Variants in TTLL11 observed in about 807,000 individuals in gnomAD.
The protein encoded by TTLL11 is tubulin tyrosine ligase like 11, also known as tubulin polyglutamylase TTLL11.
Under a neutral mutation model 51.7 loss-of-function variants are expected in TTLL11, and 42 were observed. The ratio of observed to expected loss-of-function variants is 0.81; its 90% CI spans 0.64 to 1.05. TTLL11 has a LOEUF of 1.05. Ranked by LOEUF, TTLL11 falls within the 50% of genes least tolerant of loss-of-function variation. The probability of loss-of-function intolerance (pLI) is 0.00; values close to 1 mark genes in which losing one functional copy is unlikely to be tolerated. For synonymous variants in TTLL11, 381 were observed against 383.5 expected (o/e 0.99, Z 0.08); for missense variants, 799 against 940.4 (o/e 0.85, Z 1.97).
chr9:121,938,061 G>A lies in TTLL11; in HGVS notation c.1481+35948C>T, dbSNP rs1403851436. Among the ~76,000 whole-genome samples, 7 of 152,220 alleles carry A rather than the reference G, an allele frequency of 4.6e-5. 1 individual carries two copies. The highest frequency in any genetic ancestry group is 4.2e-4 in the South Asian group (2 of 4,818). The stretch of plus-strand genomic sequence containing the variant: ...TCCCAGCACTTTGGGAGACCAAGGC[G>A]GGTGGATCATGAGGTCAAGAGATCA... On this transcript the variant is annotated intron_variant, in intron 6 of 8. Coordinates refer to ENST00000321582, the MANE Select transcript of TTLL11 (RefSeq NM_001139442.2).
intron 6 of TTLL11, among the ~76,000 whole-genome samples, chr9:121,959,066 T>C (rs1842124544): frequency 6.6e-6 from 1 of 152,044 alleles, no homozygotes; most frequent in African/African-American, 2.4e-5. Context: ...ACAGAGGTAA[T>C]ATGCAAAGGG....
At position 122,002,807 on chromosome 9, in the gene TTLL11, G is replaced by A. The variant is rs146786178; in HGVS notation, c.694-13037C>T. 4.2e-3 allele frequency among the ~76,000 whole-genome samples: 646 copies of A among 152,014 alleles called. 5 individuals are homozygous for A. Among genetic ancestry groups the A allele is most frequent in the African/African-American group, 0.015 (622 of 41,440 alleles). On this transcript the variant is annotated intron_variant, in intron 3 of 8. Coordinates refer to ENST00000321582, the MANE Select transcript of TTLL11 (RefSeq NM_001139442.2). ...CTAAAACTACAAAAATTAGCTGGGC[G>A]TGGTGGCGCATGCCTATAGTCCCAG...
chr9:121,969,545 C>T (rs1842500130), intron 6 of TTLL11, among the ~76,000 whole-genome samples: 1 of 152,126 alleles, frequency 6.6e-6, no homozygotes, highest in Non-Finnish European at 1.5e-5. Flanking sequence ...TACTTTTTAT[C>T]TTTAGTCTGT....
intron 1 of TTLL11, among the ~76,000 whole-genome samples, chr9:122,048,171 A>ATTTTT (rs1377479477): frequency 6.6e-6 from 1 of 151,102 alleles, no homozygotes; most frequent in African/African-American, 2.5e-5. Flanking sequence ...TTTTATTTTT[A>ATTTTT]TTTTTATTTT....
At chr9:121,986,241 C>G (rs1842937208) in intron 4 of TTLL11, among the ~76,000 whole-genome samples, 1 of 152,222 alleles carries the variant, frequency 6.6e-6, no homozygotes, top group Non-Finnish European at 1.5e-5. Context: ...ATGGCTGCCC[C>G]ATGTGGCCTG....
intron 6 of TTLL11, among the ~76,000 whole-genome samples, chr9:121,945,689 C>T (rs969499810): frequency 6.6e-6 from 1 of 152,220 alleles, no homozygotes; most frequent in Non-Finnish European, 1.5e-5. Flanking sequence ...ACTCACTCTA[C>T]ATTTAATGAT....
At chr9:121,902,012 C>G (rs1415059207) in intron 6 of TTLL11, among the ~76,000 whole-genome samples, 1 of 151,998 alleles carries the variant, frequency 6.6e-6, no homozygotes, top group Admixed American at 6.5e-5. Flanking sequence ...GATATCTAAT[C>G]TGTAATATTG....
At chr9:121,939,955 T>C (rs1588141086) in intron 6 of TTLL11, among the ~76,000 whole-genome samples, 1 of 151,960 alleles carries the variant, frequency 6.6e-6, no homozygotes, top group Non-Finnish European at 1.5e-5. Flanking sequence ...GGAGGGCTGG[T>C]GAGGACGAGA....
intron 8 of TTLL11, among the ~76,000 whole-genome samples, chr9:121,838,649 G>A (rs148718457): frequency 0.017 from 2,574 of 152,266 alleles, 23 homozygotes; most frequent in East Asian, 0.041. Context: ...AACCCAGGAG[G>A]CGGAGGTTGC....
intron 1 of TTLL11, among the ~76,000 whole-genome samples, chr9:122,068,808 G>C (rs2131888207): frequency 6.6e-6 from 1 of 152,336 alleles, no homozygotes; most frequent in South Asian, 2.1e-4. Context: ...GGTGTGACCA[G>C]GTGCCTGAGT....
chr9:121,929,231 G>A (rs13289795), intron 6 of TTLL11, among the ~76,000 whole-genome samples: 25,685 of 151,992 alleles, frequency 0.17, 2,234 homozygotes, highest in Middle Eastern at 0.21. Flanking sequence ...CACAAGGTCA[G>A]GAGTTCAAGA....
intron 8 of TTLL11, among the ~76,000 whole-genome samples, chr9:121,842,273 G>A (rs760560861): frequency 2.6e-5 from 4 of 151,364 alleles, no homozygotes; most frequent in African/African-American, 7.3e-5. Context: ...AAAAAGACAC[G>A]TGGTCTCTCT....
Position 121,905,105 on chromosome 9 carries a change from G to A in TTLL11, c.1482-34357C>T, listed in dbSNP as rs535159478. On this transcript the variant is annotated intron_variant, in intron 6 of 8. Transcript: ENST00000321582. ...GCTCACTAGTGGTGATCCAAGTTGC[G>A]GGGGTTCTCTGTAATATCACTGGTT... Among the ~76,000 whole-genome samples the A allele has an allele frequency of 6.2e-4, 94 of 152,240 alleles. No homozygotes were observed. In the South Asian group the frequency reaches 0.015, roughly 24 times the overall value.
chr9:121,937,859 G>A (rs1395199397), intron 6 of TTLL11, among the ~76,000 whole-genome samples: 1 of 152,024 alleles, frequency 6.6e-6, no homozygotes, highest in Non-Finnish European at 1.5e-5. Flanking sequence ...ACCCAGTAAA[G>A]CATGAAAAAT....
chr9:121,824,251 C>T (rs990400915), intron 8 of TTLL11, among the ~76,000 whole-genome samples: 11 of 151,926 alleles, frequency 7.2e-5, no homozygotes, highest in South Asian at 2.1e-4. Context: ...CCGAGGTGGG[C>T]GGATCACGAG....
chr9:122,050,095 C>A (rs551940037), intron 1 of TTLL11, among the ~76,000 whole-genome samples: 9 of 152,264 alleles, frequency 5.9e-5, no homozygotes, highest in African/African-American at 2.2e-4. Context: ...TCAGAGACTC[C>A]AGCAGTGACT....
intron 1 of TTLL11, among the ~76,000 whole-genome samples, chr9:122,064,637 G>A (rs1016919591): frequency 5.3e-5 from 8 of 152,118 alleles, no homozygotes; most frequent in Non-Finnish European, 1.0e-4. Flanking sequence ...ATAGAGCCAT[G>A]GTTTCTGCTT....
rs1427044554 is a variant in TTLL11, at chr9:121,973,891, T to C, written c.1481+118A>G. ...AAACAAAGATATTTTATTAGAATTG[T>C]TTAAGATGTAAATCTCACTCACAAT... On this transcript the variant is annotated intron_variant, in intron 6 of 8. Coordinates refer to ENST00000321582, the MANE Select transcript of TTLL11 (RefSeq NM_001139442.2). The C allele has an allele frequency of 1.2e-5, 7 of 593,682 alleles. No individual in the cohort carries two copies. The East Asian group carries it at 1.5e-4, about 13-fold the overall frequency. 36.8% of individuals were successfully genotyped at this position (593,682 alleles called of 1,614,324 possible). A position where few individuals can be genotyped will look rare whatever the true frequency, so the allele number is the denominator to read the frequency against.
At chr9:121,849,865 C>T (rs1837618520) in intron 8 of TTLL11, among the ~76,000 whole-genome samples, 1 of 151,948 alleles carries the variant, frequency 6.6e-6, no homozygotes, top group South Asian at 2.1e-4. Flanking sequence ...AGATCAGTTC[C>T]AGGTAACCCC....
Sources: allele counts gnomAD v4.1 joint callset (sites outside exome capture counted in the v4.1 genomes callset), GRCh38; gene constraint gnomAD v4.1.1; transcripts MANE v1.5; gene names NCBI Gene and HGNC (gene_info 2026-07-23, HGNC 2026-07-21).